Variants in CFAP47 observed in about 807,000 individuals in gnomAD.
CFAP47 encodes the protein cilia- and flagella-associated protein 47.
CFAP47 carries 29 observed loss-of-function variants against 148.1 expected under a neutral mutation model. The observed-to-expected ratio is 0.20, with a 90% CI of 0.15 to 0.27. The LOEUF is 0.27. Ranked by LOEUF, CFAP47 falls within the 10% of genes least tolerant of loss-of-function variation. The pLI is 1.00. For missense variants in CFAP47, 1,872 were observed against 1,697.5 expected (o/e 1.10, Z -1.81); for synonymous variants, 664 against 577.3 (o/e 1.15, Z -2.15).
At chrX:36,189,782 G>A (rs935777543) in intron 41 of CFAP47, among the ~76,000 whole-genome samples, 1 of 112,030 alleles carries the variant, frequency 8.9e-6, no homozygotes, top group Non-Finnish European at 1.9e-5. Flanking sequence ...TGACCACTTT[G>A]TTTCACATAT....
At chrX:35,986,611 A>G (rs10482307) in intron 15 of CFAP47, among the ~76,000 whole-genome samples, 3 of 109,735 alleles carry the variant, frequency 2.7e-5, no homozygotes, top group Admixed American at 9.7e-5. Flanking sequence ...ACTTCTGTCA[A>G]TTGGTCAAAC....
intron 3 of CFAP47, among the ~76,000 whole-genome samples, chrX:35,943,509 T>C (rs1601890590): frequency 9.0e-6 from 1 of 111,519 alleles, no homozygotes; most frequent in East Asian, 2.8e-4. Context: ...GATCTAGCCA[T>C]ATGTTGTTGA....
At chrX:36,244,529 A>G (rs910335576) in intron 48 of CFAP47, among the ~76,000 whole-genome samples, 1 of 111,637 alleles carries the variant, frequency 9.0e-6, no homozygotes, top group African/African-American at 3.3e-5. Flanking sequence ...GCAAATAAGA[A>G]CAATTGTAAA....
At chrX:36,095,909 G>C (rs1938267929) in intron 30 of CFAP47, among the ~76,000 whole-genome samples, 1 of 110,938 alleles carries the variant, frequency 9.0e-6, no homozygotes, top group Non-Finnish European at 1.9e-5. Flanking sequence ...GATTTCGCTT[G>C]CTCTTGCTTT....
At chrX:35,981,388 T>G (rs1227590823) in intron 15 of CFAP47, among the ~76,000 whole-genome samples, 1 of 103,213 alleles carries the variant, frequency 9.7e-6, no homozygotes, top group Admixed American at 1.1e-4. Flanking sequence ...CAGCAAAAAC[T>G]GAAATATCTA....
At chrX:36,279,288 T>G (rs1160201999) in intron 49 of CFAP47, among the ~76,000 whole-genome samples, 1 of 111,945 alleles carries the variant, frequency 8.9e-6, no homozygotes, top group Non-Finnish European at 1.9e-5. Flanking sequence ...TATTTCAAGA[T>G]GATTTTACTT....
intron 57 of CFAP47, among the ~76,000 whole-genome samples, chrX:36,335,274 ATCAACCTG>A (rs1460447786): frequency 9.0e-6 from 1 of 110,861 alleles, no homozygotes; most frequent in East Asian, 2.8e-4. Context: ...ACATCCCCCA[ATCAACCTG>A]TCAACAAGCC....
At chrX:36,118,881 A>T (rs1938690305) in intron 33 of CFAP47, among the ~76,000 whole-genome samples, 1 of 112,029 alleles carries the variant, frequency 8.9e-6, no homozygotes, top group East Asian at 2.8e-4. Flanking sequence ...ATTGTTTGCT[A>T]TTGGCATGTA....
intron 51 of CFAP47, among the ~76,000 whole-genome samples, chrX:36,288,498 CTCTT>C (rs1371718711): frequency 8.9e-6 from 1 of 112,110 alleles, no homozygotes; most frequent in Admixed American, 9.5e-5. Flanking sequence ...GTGTGAGCAA[CTCTT>C]TATATAATTT....
At chrX:36,051,618 A>G (rs1444644744) in intron 26 of CFAP47, among the ~76,000 whole-genome samples, 3 of 111,782 alleles carry the variant, frequency 2.7e-5, no homozygotes, top group Non-Finnish European at 3.8e-5. Context: ...TGATTTTACA[A>G]GCTAAGCGGT....
chrX:36,173,147 T>A (rs1478692054), intron 39 of CFAP47, among the ~76,000 whole-genome samples: 1 of 111,318 alleles, frequency 9.0e-6, no homozygotes, highest in African/African-American at 3.3e-5. Context: ...GTGGTGATAT[T>A]CCCTTTATCA....
At chrX:35,956,261 C>A in intron 8 of CFAP47, 65 bp downstream of exon 8, 1 of 838,561 alleles carries the variant, frequency 1.2e-6, no homozygotes, top group Non-Finnish European at 1.7e-6. Context: ...AAATGCTATG[C>A]GGAGGATTAG....
intron 33 of CFAP47, among the ~76,000 whole-genome samples, chrX:36,122,141 G>A (rs1392799937): frequency 2.7e-5 from 3 of 110,895 alleles, no homozygotes; most frequent in Non-Finnish European, 5.7e-5. Flanking sequence ...TGGCCTATAA[G>A]GTTTCTGCTG....
At chrX:36,228,868 A>G in intron 46 of CFAP47, 44 bp downstream of exon 46, 1 of 497,531 alleles carries the variant, frequency 2.0e-6, no homozygotes, top group Non-Finnish European at 3.7e-6. Flanking sequence ...TCATATTGCC[A>G]CTGTGTCAAT....
chrX:36,380,904 G>T lies in CFAP47; in HGVS notation c.9354+1386G>T, dbSNP rs201060760. On this transcript the variant is annotated intron_variant, in intron 63 of 63. Coordinates refer to ENST00000378653, the MANE Select transcript of CFAP47 (RefSeq NM_001304548.2). ...ACAGAAGGCTTTACCAACAAAACCTGTGCCTGATTTCTCTGTGTTGATTTG... is the reference window on the plus strand; with the variant it reads ...ACAGAAGGCTTTACCAACAAAACCTTTGCCTGATTTCTCTGTGTTGATTTG... Among the ~76,000 whole-genome samples the T allele has an allele frequency of 4.5e-5, 5 of 112,011 alleles. No homozygotes were observed. In the East Asian group the frequency reaches 1.4e-3, roughly 31 times the overall value.
intron 46 of CFAP47, among the ~76,000 whole-genome samples, chrX:36,230,724 T>C (rs1555992416): frequency 9.2e-6 from 1 of 108,956 alleles, no homozygotes; most frequent in Non-Finnish European, 1.9e-5. Flanking sequence ...GGTTTTCTTC[T>C]AGGGTTTTTA....
chrX:36,270,729 T>C (rs1940949190), intron 49 of CFAP47, among the ~76,000 whole-genome samples: 1 of 105,929 alleles, frequency 9.4e-6, no homozygotes, highest in African/African-American at 3.4e-5. Flanking sequence ...ATATATATGA[T>C]ATAATGAATA....
At position 35,941,402 on chromosome X, in the gene CFAP47, A is replaced by G; in HGVS notation, c.517+4A>G. ...ACTAACCATGGCAAAGCTCCAGGTA[A>G]ATCCTTCCTGTCATATTTACTTACA... On this transcript the variant is annotated splice_donor_region_variant and intron_variant, in intron 3 of 63. Coordinates refer to ENST00000378653, the MANE Select transcript of CFAP47 (RefSeq NM_001304548.2). 1.0e-6 allele frequency: 1 copy of G among 957,076 alleles called. No homozygotes were observed. Among genetic ancestry groups the G allele is most frequent in the South Asian group, 2.4e-5 (1 of 41,991 alleles). 78.9% of individuals were successfully genotyped at this position (957,076 alleles called of 1,213,427 possible). A position where few individuals can be genotyped will look rare whatever the true frequency, so the allele number is the denominator to read the frequency against.
chrX:36,220,814 A>C (rs1280302272), intron 45 of CFAP47, among the ~76,000 whole-genome samples: 2 of 111,633 alleles, frequency 1.8e-5, no homozygotes, highest in Non-Finnish European at 3.8e-5. Context: ...AGATAAGAGA[A>C]ATTCCAAAAA....
Sources: gnomAD v4.1 joint callset for allele counts (sites outside exome capture counted in the v4.1 genomes callset) on GRCh38, gnomAD v4.1.1 for gene constraint, MANE v1.5 for transcripts, NCBI Gene and HGNC (gene_info 2026-07-23, HGNC 2026-07-21) for gene names.